SLC6A13: variants seen among roughly 807,000 people sequenced by gnomAD.
SLC6A13 encodes the protein sodium- and chloride-dependent GABA transporter 2.
In SLC6A13, 69 loss-of-function variants were observed where a neutral mutation model predicts 72.9. That is an observed-to-expected ratio of 0.95 (90% CI 0.78 to 1.16). SLC6A13 has a LOEUF of 1.16. SLC6A13 is among the 50% of genes most tolerant of loss of function. SLC6A13 has a pLI of 0.00. For synonymous variants in SLC6A13, 303 were observed against 303.0 expected (o/e 1.00, Z 0.00); for missense variants, 735 against 760.5 (o/e 0.97, Z 0.39).
At chr12:223,942 T>C (rs1273877106) in intron 11 of SLC6A13, 50 bp downstream of exon 11, 8 of 1,606,352 alleles carry the variant, frequency 5.0e-6, no homozygotes, top group Non-Finnish European at 6.0e-6. Flanking sequence ...AGGTAGCAGC[T>C]GTCACTTGGC....
At chr12:259,469 A>T in intron 2 of SLC6A13, 2 of 1,261,692 alleles carry the variant, frequency 1.6e-6, no homozygotes, top group Non-Finnish European at 2.0e-6. Flanking sequence ...CATTGTCTCT[A>T]ATCCTTACAA....
chr12:232,210 T>C (rs511230), intron 7 of SLC6A13, among the ~76,000 whole-genome samples: 65,544 of 152,104 alleles, frequency 0.43, 14,372 homozygotes, highest in African/African-American at 0.49. Context: ...CTCTGTCCTT[T>C]TTCTCTGCCA....
At position 220,641 on chromosome 12, in the gene SLC6A13, T is replaced by G; in HGVS notation, c.*307A>C. 3.0e-6 allele frequency: 1 copy of G among 336,888 alleles called. No individual in the cohort carries two copies. The highest frequency in any genetic ancestry group is 2.7e-5 in the South Asian group (1 of 36,522). The allele number at this position is 336,888 out of a possible 1,614,324, so 20.9% of individuals were successfully genotyped here. On this transcript the variant is annotated 3_prime_UTR_variant, in exon 15 of 15. Transcript: ENST00000343164. Reference sequence around the variant, plus strand: ...TAGCAGTCAGCGGGAAGAATGTGGATTTAATGGAATGAAGGATGAGAGGGC... The same window carrying G: ...TAGCAGTCAGCGGGAAGAATGTGGAGTTAATGGAATGAAGGATGAGAGGGC...
In SLC6A13 at chr12:220,910, A is replaced by G; in HGVS notation, c.*38T>C. ...CCACGTTCCCTCCACAGCCATCCCC[A>G]AGGCCAGGCACACAGGCACCATCCA... is the stretch of plus-strand genomic sequence containing the variant. On this transcript the variant is annotated 3_prime_UTR_variant, in exon 15 of 15. Coordinates refer to ENST00000343164, the MANE Select transcript of SLC6A13 (RefSeq NM_016615.5). 1 of 1,608,352 alleles carries G rather than the reference A, an allele frequency of 6.2e-7. No homozygotes were observed. The highest frequency in any genetic ancestry group is 8.5e-7 in the Non-Finnish European group (1 of 1,179,424).
intron 5 of SLC6A13, 86 bp from the exon 6 acceptor site, chr12:237,376 G>C (rs1216261476): frequency 2.7e-6 from 4 of 1,466,632 alleles, no homozygotes; most frequent in Non-Finnish European, 3.8e-6. Flanking sequence ...AGCTGAGCCT[G>C]CCTCCAGGCT....
chr12:229,285 G>T (rs527888361), intron 7 of SLC6A13, among the ~76,000 whole-genome samples: 4 of 152,170 alleles, frequency 2.6e-5, no homozygotes, highest in Non-Finnish European at 5.9e-5. Flanking sequence ...ACTTCTCCCC[G>T]TTTAAAAAAA....
chr12:231,711 C>A (rs1941716840), intron 7 of SLC6A13, among the ~76,000 whole-genome samples: 1 of 152,216 alleles, frequency 6.6e-6, no homozygotes. Context: ...TTTGTCCCTG[C>A]AGTCACCCAG....
chr12:237,254 G>A lies in SLC6A13; in HGVS notation c.600C>T (p.His200=). 1 of 1,614,200 alleles carries A rather than the reference G, an allele frequency of 6.2e-7. No homozygotes were observed. The highest frequency in any genetic ancestry group is 8.5e-7 in the Non-Finnish European group (1 of 1,180,024). ...RVLKISDGIQ[H]LGALRWELAL... ...CCAGCTCCCAGCGCAGGGCCCCCAG[G>A]TGCTGGATCCCATCAGAGATCTTCA... The change falls in exon 6 of 15, where the codon CAC becomes CAT. Residue 200 remains histidine, a synonymous_variant. Coordinates refer to ENST00000343164, the MANE Select transcript of SLC6A13 (RefSeq NM_016615.5).
At position 220,965 on chromosome 12, in the gene SLC6A13, G is replaced by T. The variant is rs1330548377; in HGVS notation, c.1792C>A (p.Leu598Ile). ...CCTGCCCCCTAGCAGTGAGACTCTAGCTCTGTGAGTCTGAGCAGTGAGGTC... is the reference window on the plus strand; with the variant it reads ...CCTGCCCCCTAGCAGTGAGACTCTATCTCTGTGAGTCTGAGCAGTGAGGTC... ...PRTSLLRLTE[L>I]ESHC is the part of the protein sequence containing the mutation. The change falls in exon 15 of 15, where the codon CTA becomes ATA. Residue 598 changes from leucine (L) to isoleucine (I), a missense_variant. Leu to Ile is a conservative substitution (Grantham distance 5, BLOSUM62 2). Coordinates refer to ENST00000343164, the MANE Select transcript of SLC6A13 (RefSeq NM_016615.5). 2 of 1,612,800 alleles carry T rather than the reference G, an allele frequency of 1.2e-6. No homozygotes were observed. The highest frequency in any genetic ancestry group is 1.7e-6 in the Non-Finnish European group (2 of 1,179,946).
rs146454431 is a variant in SLC6A13, at chr12:237,516, G to A, written c.564-226C>T. On this transcript the variant is annotated intron_variant, in intron 5 of 14. Coordinates refer to ENST00000343164, the MANE Select transcript of SLC6A13 (RefSeq NM_016615.5). ...TCTGAGTGCTTTGTCCCCAGCCAAG[G>A]GAAGGAGGTGCAGGCACCTATGTTT... Among the ~76,000 whole-genome samples the A allele has an allele frequency of 6.6e-3, 1,003 of 152,298 alleles. 15 individuals carry two copies. The highest frequency in any genetic ancestry group is 0.023 in the African/African-American group (950 of 41,552).
In SLC6A13 at chr12:231,172, C is replaced by A. The variant is rs543673598; in HGVS notation, c.832-3504G>T. On this transcript the variant is annotated intron_variant, in intron 7 of 14. Coordinates refer to ENST00000343164, the MANE Select transcript of SLC6A13 (RefSeq NM_016615.5). ...GAGTAAAGCACACGCTCCAGCAGAG[C>A]CCTGGGTCTCCAGTGGCCAGTCCCC... 1.2e-4 allele frequency among the ~76,000 whole-genome samples: 18 copies of A among 152,302 alleles called. 1 individual carries two copies. In the South Asian group the frequency reaches 2.9e-3, roughly 25 times the overall value.
chr12:221,823 G>C (rs1252804289), intron 13 of SLC6A13, among the ~76,000 whole-genome samples: 1 of 152,206 alleles, frequency 6.6e-6, no homozygotes, highest in Non-Finnish European at 1.5e-5. Flanking sequence ...ACTGCGTGCT[G>C]TGAGGTATTT....
At chr12:223,269 A>G (rs747887999) in intron 11 of SLC6A13, 35 bp from the exon 12 acceptor site, 15 of 1,423,056 alleles carry the variant, frequency 1.1e-5, no homozygotes, top group Non-Finnish European at 1.5e-5. Flanking sequence ...AAAGAAGTTT[A>G]TCCAGTGGAA....
chr12:258,651 T>C (rs1330092296), intron 2 of SLC6A13, among the ~76,000 whole-genome samples: 2 of 152,194 alleles, frequency 1.3e-5, no homozygotes, highest in African/African-American at 2.4e-5. Context: ...CCTCCAGTAG[T>C]TGGGAAATCC....
At chr12:261,844 T>G (rs1942935670) in intron 1 of SLC6A13, among the ~76,000 whole-genome samples, 2 of 151,500 alleles carry the variant, frequency 1.3e-5, no homozygotes, top group African/African-American at 4.9e-5. Flanking sequence ...GAGAATCGCT[T>G]GAAACCAGGA....
chr12:223,056 G>T, intron 12 of SLC6A13, 76 bp downstream of exon 12: 1 of 881,580 alleles, frequency 1.1e-6, no homozygotes, highest in Non-Finnish European at 1.8e-6. Flanking sequence ...AGCAGTAGAT[G>T]TCTGTTTCGT....
chr12:238,235 T>C, intron 4 of SLC6A13: 1 of 1,510,706 alleles, frequency 6.6e-7, no homozygotes, highest in South Asian at 1.2e-5. Context: ...TGCTTGGGTA[T>C]ACATTCTCCT....
chr12:255,672 G>A (rs1271497679), intron 2 of SLC6A13, among the ~76,000 whole-genome samples: 1 of 152,246 alleles, frequency 6.6e-6, no homozygotes, highest in Non-Finnish European at 1.5e-5. Context: ...CTCCAGCCTG[G>A]GTGACAGAGC....
intron 4 of SLC6A13, among the ~76,000 whole-genome samples, chr12:241,573 A>G (rs1327226499): frequency 6.6e-6 from 1 of 152,264 alleles, no homozygotes; most frequent in Non-Finnish European, 1.5e-5. Context: ...CAGGTGCTCA[A>G]TAACCACACA....
Sources: allele counts gnomAD v4.1 joint callset (sites outside exome capture counted in the v4.1 genomes callset), GRCh38; gene constraint gnomAD v4.1.1; transcripts MANE v1.5; gene names NCBI Gene and HGNC (gene_info 2026-07-23, HGNC 2026-07-21).